The following CATSPERE variants were observed in gnomAD, a reference collection of about 807,000 sequenced individuals.
CATSPERE encodes cation channel sperm-associated auxiliary subunit epsilon.
In CATSPERE, 93 loss-of-function variants were observed where a neutral mutation model predicts 114.1. The observed-to-expected ratio is 0.81, with a 90% CI of 0.69 to 0.97. The LOEUF is 0.97. Ranked by LOEUF, CATSPERE falls within the 50% of genes least tolerant of loss-of-function variation. The probability of loss-of-function intolerance (pLI) is 0.00; values close to 1 mark genes in which losing one functional copy is unlikely to be tolerated. For synonymous variants in CATSPERE, 341 were observed against 384.1 expected (o/e 0.89, Z 1.31); for missense variants, 1,058 against 1,131.6 (o/e 0.93, Z 0.93).
chr1:244,606,875 T>G (rs1670084425), intron 18 of CATSPERE, among the ~76,000 whole-genome samples: 1 of 152,156 alleles, frequency 6.6e-6, no homozygotes, highest in Non-Finnish European at 1.5e-5. Flanking sequence ...GTACTGGGGT[T>G]ACAGGCGTGA....
chr1:244,499,875 G>C (rs1406131526), intron 7 of CATSPERE, among the ~76,000 whole-genome samples: 1 of 152,090 alleles, frequency 6.6e-6, no homozygotes, highest in Non-Finnish European at 1.5e-5. Flanking sequence ...TGGGATTGCT[G>C]GGTCAAATGG....
intron 8 of CATSPERE, among the ~76,000 whole-genome samples, chr1:244,534,382 T>G (rs1680057193): frequency 1.3e-5 from 2 of 152,130 alleles, no homozygotes. Context: ...CCTCCTCTTT[T>G]AGGCCCATAA....
chr1:244,451,793 C>G, upstream of CATSPERE: 1 of 1,595,256 alleles, frequency 6.3e-7, no homozygotes, highest in Non-Finnish European at 8.5e-7. This position sits in a 1 kb window ranked among gnomAD's most constrained non-coding sequence, Gnocchi z 6.6. Context: ...GAGGATGCCG[C>G]CGGGTAGGTC....
At chr1:244,543,459 A>G (rs1305444522) in intron 8 of CATSPERE, among the ~76,000 whole-genome samples, 1 of 151,920 alleles carries the variant, frequency 6.6e-6, no homozygotes, top group Non-Finnish European at 1.5e-5. Context: ...TAGAGAGTAG[A>G]ATGATGGTTA....
intron 20 of CATSPERE, among the ~76,000 whole-genome samples, chr1:244,629,909 G>A (rs1413290958): frequency 1.3e-5 from 2 of 152,014 alleles, no homozygotes; most frequent in Non-Finnish European, 2.9e-5. Flanking sequence ...CAAACTGCTG[G>A]GATTACAGGT....
intron 8 of CATSPERE, among the ~76,000 whole-genome samples, chr1:244,526,369 A>G (rs1317872975): frequency 6.6e-6 from 1 of 152,012 alleles, no homozygotes; most frequent in Non-Finnish European, 1.5e-5. Flanking sequence ...TGATTGGGCC[A>G]CTACACTTCA....
chr1:244,457,492 G>A (rs1027199679), upstream of CATSPERE: 2 of 152,092 alleles, frequency 1.3e-5, no homozygotes, highest in African/African-American at 4.8e-5. Context: ...ATAAATGGCA[G>A]GGGAAAAAAA....
Position 244,479,770 on chromosome 1 carries a change from G to C in CATSPERE, c.312G>C (p.Trp104Cys). The change falls in exon 5 of 22, where the codon TGG becomes TGC. Residue 104 changes from tryptophan (W) to cysteine (C), a missense_variant. Coordinates refer to ENST00000366534, the MANE Select transcript of CATSPERE (RefSeq NM_001130957.2). ...AAAGTTCTCATACTTGCTTTCTGTGGTACTATAGAGTTAGGTAAGTAATGC... is the reference window on the plus strand; with the variant it reads ...AAAGTTCTCATACTTGCTTTCTGTGCTACTATAGAGTTAGGTAAGTAATGC... ...FVESSHTCFLWYYRVRHFFNN... is the reference protein window; with the variant it reads ...FVESSHTCFLCYYRVRHFFNN... 6.3e-7 allele frequency: 1 copy of C among 1,584,738 alleles called. No homozygotes were observed. Among genetic ancestry groups the C allele is most frequent in the Non-Finnish European group, 8.6e-7 (1 of 1,159,280 alleles).
intron 10 of CATSPERE, among the ~76,000 whole-genome samples, chr1:244,561,631 A>T (rs2148534274): frequency 6.6e-6 from 1 of 152,304 alleles, no homozygotes; most frequent in East Asian, 1.9e-4. Context: ...AAACAGGATC[A>T]TATGTGTTTT....
chr1:244,601,879 A>G (rs184550364), intron 17 of CATSPERE, among the ~76,000 whole-genome samples: 1 of 152,228 alleles, frequency 6.6e-6, no homozygotes, highest in East Asian at 1.9e-4. Context: ...GCTTGAACCC[A>G]AGAGGCAGAG....
chr1:244,565,076 C>A (rs929100599), intron 10 of CATSPERE, among the ~76,000 whole-genome samples: 3 of 152,154 alleles, frequency 2.0e-5, no homozygotes, highest in East Asian at 1.9e-4. Context: ...ATTGAACCAG[C>A]CTTGCATCCC....
chr1:244,635,464 T>C (rs1674516843), intron 20 of CATSPERE, 25 bp from the exon 21 acceptor site: 4 of 1,558,986 alleles, frequency 2.6e-6, no homozygotes, highest in Middle Eastern at 3.4e-4. Flanking sequence ...AGTGTAATCT[T>C]TCATATTATT....
intron 8 of CATSPERE, among the ~76,000 whole-genome samples, chr1:244,533,922 T>C (rs920341892): frequency 4.6e-5 from 7 of 152,174 alleles, no homozygotes; most frequent in African/African-American, 1.7e-4. Flanking sequence ...TAACTCCCTT[T>C]AGCATTTCTT....
rs982001723 is a variant in CATSPERE, at chr1:244,568,435, C to T, written c.1508-3895C>T. ...GGAACGTTTAAGTCTGCTGAAGCTGCGCCCAGGGCCACCCCTTTCCCCAGG... is the reference window on the plus strand; with the variant it reads ...GGAACGTTTAAGTCTGCTGAAGCTGTGCCCAGGGCCACCCCTTTCCCCAGG... On this transcript the variant is annotated intron_variant, in intron 10 of 21. Transcript: ENST00000366534. This position sits in a 1 kb window ranked among gnomAD's most constrained non-coding sequence, Gnocchi z 4.4. Among the ~76,000 whole-genome samples the T allele has an allele frequency of 5.3e-5, 8 of 152,216 alleles. No individual in the cohort carries two copies. The highest frequency in any genetic ancestry group is 2.1e-4 in the South Asian group (1 of 4,834).
At chr1:244,635,651 A>C (rs1194167367) in intron 21 of CATSPERE, 109 bp downstream of exon 21, 4 of 756,870 alleles carry the variant, frequency 5.3e-6, no homozygotes, top group Non-Finnish European at 6.7e-6. Flanking sequence ...CAGCCTGTGC[A>C]CTCACTTTTC....
At chr1:244,554,515 C>A (rs1661284290) in intron 9 of CATSPERE, among the ~76,000 whole-genome samples, 1 of 151,922 alleles carries the variant, frequency 6.6e-6, no homozygotes, top group South Asian at 2.1e-4. Flanking sequence ...CATGGTGAGA[C>A]CCCATCTCTA....
intron 8 of CATSPERE, among the ~76,000 whole-genome samples, chr1:244,532,592 A>G (rs918054096): frequency 9.9e-5 from 15 of 152,160 alleles, no homozygotes; most frequent in African/African-American, 2.4e-4. Context: ...CTGCCCTTCA[A>G]TTCCCTCTTA....
At chr1:244,461,218 C>T (rs1006870405), upstream of CATSPERE, among the ~76,000 whole-genome samples, 23 of 152,182 alleles carry the variant, frequency 1.5e-4, no homozygotes, top group Non-Finnish European at 7.3e-5. Flanking sequence ...GGTTCGCACT[C>T]CGGCTACTTT....
intron 8 of CATSPERE, among the ~76,000 whole-genome samples, chr1:244,528,148 C>G (rs1475146274): frequency 6.6e-6 from 1 of 152,170 alleles, no homozygotes; most frequent in Non-Finnish European, 1.5e-5. Context: ...ATATGTTGTT[C>G]CCACTCACCC....
Sources: allele counts gnomAD v4.1 joint callset (sites outside exome capture counted in the v4.1 genomes callset), GRCh38; gene constraint gnomAD v4.1.1; non-coding constraint Gnocchi (gnomAD v3.1); transcripts MANE v1.5; gene names NCBI Gene and HGNC (gene_info 2026-07-23, HGNC 2026-07-21).